Variants in ZNF317 observed in about 807,000 individuals in gnomAD.
The protein encoded by ZNF317 is zinc finger protein 317.
ZNF317 carries 17 observed loss-of-function variants against 23.4 expected under a neutral mutation model. The observed-to-expected ratio is 0.73, with a 90% CI of 0.50 to 1.09. The LOEUF (loss-of-function observed/expected upper bound fraction) is 1.09, where lower values mean the gene tolerates loss of function less well. ZNF317 is among the 50% of genes least tolerant of loss of function. The pLI, the probability that ZNF317 is intolerant of heterozygous loss-of-function variation, is 0.00. For missense variants in ZNF317, 679 were observed against 796.7 expected, an observed-to-expected ratio of 0.85 and a Z score of 1.78; for synonymous variants, 317 against 314.9, an observed-to-expected ratio of 1.01 and a Z score of -0.07.
In ZNF317 at chr19:9,160,149, C is replaced by G. The variant is rs1408927795; in HGVS notation, c.504C>G (p.Tyr168Ter). The G allele has an allele frequency of 6.2e-7, 1 of 1,614,038 alleles. No homozygotes were observed. The highest frequency in any genetic ancestry group is 8.5e-7 in the Non-Finnish European group (1 of 1,180,040). The change falls in exon 7 of 7, where the codon TAC (tyrosine) becomes TAG (stop). Residue 168 changes from tyrosine to a stop codon, truncating the protein, a stop_gained. Transcript: ENST00000247956. LOFTEE classifies it low-confidence loss of function (END_TRUNC). This position sits in a 1 kb window ranked among gnomAD's most constrained non-coding sequence, Gnocchi z 6.8. ...GTCTTGGAGAGAAGTCCACTGAATA[C>G]GCTCACTTGTTCGAAGTCTTTGGCA... ...RAGLGEKSTE[Y>*]AHLFEVFGMD...
At chr19:9,153,120 C>T (rs1192478811) in intron 1 of ZNF317, among the ~76,000 whole-genome samples, 2 of 151,706 alleles carry the variant, frequency 1.3e-5, no homozygotes, top group African/African-American at 2.4e-5. Context: ...TTTTGCTTTC[C>T]CTAGGTTTAG....
rs372973359 is a variant in ZNF317 at position 9,156,748 on chromosome 19, G to C, written c.162G>C (p.Gln54His). Reference protein sequence around the residue: ...LEPHTPSVGSQESVTFQDVAV... With the variant: ...LEPHTPSVGSHESVTFQDVAV... ...CTCACACACCCAGTGTTGGTTCCCA[G>C]GTGCACTAAGATCTCTGGGTCCCTA... is the stretch of plus-strand genomic sequence containing the variant. The change falls in exon 3 of 7, where the codon CAG becomes CAC. Residue 54 changes from glutamine to histidine, a missense_variant and splice_region_variant. Transcript: ENST00000247956. 3.7e-6 allele frequency: 6 copies of C among 1,613,446 alleles called. No individual in the cohort carries two copies. The highest frequency in any genetic ancestry group is 2.7e-5 in the African/African-American group (2 of 74,882).
At position 9,160,186 on chromosome 19, in the gene ZNF317, C is replaced by G; in HGVS notation, c.541C>G (p.Leu181Val). 4 of 1,614,186 alleles carry G rather than the reference C, an allele frequency of 2.5e-6. No homozygotes were observed. Among genetic ancestry groups the G allele is most frequent in the Non-Finnish European group, 3.4e-6 (4 of 1,180,036 alleles). ...LFEVFGMDPHLTQPMGRHAGK... is the reference protein window; with the variant it reads ...LFEVFGMDPHVTQPMGRHAGK... ...CGAAGTCTTTGGCATGGACCCTCATCTCACTCAGCCAATGGGAAGGCACGC... is the reference window on the plus strand; with the variant it reads ...CGAAGTCTTTGGCATGGACCCTCATGTCACTCAGCCAATGGGAAGGCACGC... The change falls in exon 7 of 7, where the codon CTC becomes GTC. Residue 181 changes from leucine to valine, a missense_variant. By Grantham distance (32) the Leu-to-Val change is conservative (BLOSUM62 1). Coordinates refer to ENST00000247956, the MANE Select transcript of ZNF317 (RefSeq NM_020933.5). The surrounding 1 kb of genome is among the most constrained non-coding windows in gnomAD (Gnocchi z 6.8).
intron 6 of ZNF317, 120 bp from the exon 7 acceptor site, chr19:9,159,994 T>G (rs2145960914): frequency 6.9e-7 from 1 of 1,446,854 alleles, no homozygotes; most frequent in Admixed American, 1.9e-5. Context: ...GGCAGATGGT[T>G]ACAGCTCTAG....
chr19:9,141,875 G>A (rs940409482), intron 1 of ZNF317, among the ~76,000 whole-genome samples: 17 of 151,972 alleles, frequency 1.1e-4, no homozygotes, highest in Admixed American at 9.8e-4. Flanking sequence ...TGACAATCTC[G>A]GCTCACTGCA....
chr19:9,161,062 C>T lies in ZNF317; in HGVS notation c.1417C>T (p.Arg473Cys), dbSNP rs1219049768. 5.0e-6 allele frequency: 8 copies of T among 1,614,172 alleles called. No individual in the cohort carries two copies. The highest frequency in any genetic ancestry group is 2.2e-5 in the South Asian group (2 of 91,080). Residue 473 changes from arginine (R) to cysteine (C), a missense_variant, in exon 7 of 7, where the codon CGC (arginine) becomes TGC (cysteine). Transcript: ENST00000247956. The surrounding 1 kb of genome is among the most constrained non-coding windows in gnomAD (Gnocchi z 4.0). ...AHRKIHTQER[R>C]YECAACGKVF... is the part of the protein sequence containing the mutation. Reference sequence around the variant, plus strand: ...CAGGAAGATACACACGCAAGAGAGACGCTACGAATGCGCCGCCTGCGGGAA... The same window carrying T: ...CAGGAAGATACACACGCAAGAGAGATGCTACGAATGCGCCGCCTGCGGGAA...
rs1007472305 is a variant in ZNF317 at position 9,161,735 on chromosome 19, C to T, written c.*302C>T. The T allele has an allele frequency of 3.9e-5, 13 of 332,166 alleles. No homozygotes were observed. Among genetic ancestry groups the T allele is most frequent in the Non-Finnish European group, 6.7e-5 (12 of 180,282 alleles). The allele number at this position is 332,166 out of a possible 1,614,324, so 20.6% of individuals were successfully genotyped here. A position where few individuals can be genotyped will look rare whatever the true frequency, so the allele number is the denominator to read the frequency against. ...TTGGCATTTAATGTCAAAATCCAAG[C>T]CGTGGCATTTAATGTCAAAATGACT... is the stretch of plus-strand genomic sequence containing the variant. On this transcript the variant is annotated 3_prime_UTR_variant, in exon 7 of 7. Coordinates refer to ENST00000247956, the MANE Select transcript of ZNF317 (RefSeq NM_020933.5). This position sits in a 1 kb window ranked among gnomAD's most constrained non-coding sequence, Gnocchi z 4.0.
At chr19:9,147,998 A>G (rs1031876600) in intron 1 of ZNF317, among the ~76,000 whole-genome samples, 9 of 151,982 alleles carry the variant, frequency 5.9e-5, no homozygotes, top group African/African-American at 1.7e-4. Flanking sequence ...AGATCCGGTC[A>G]TTTACACGTG....
In ZNF317 at chr19:9,160,938, C is replaced by G; in HGVS notation, c.1293C>G (p.Ser431=). Residue 431 remains serine (S), a synonymous_variant, in exon 7 of 7, where the codon TCC becomes TCG. Coordinates refer to ENST00000247956, the MANE Select transcript of ZNF317 (RefSeq NM_020933.5). This position sits in a 1 kb window ranked among gnomAD's most constrained non-coding sequence, Gnocchi z 6.8. ...RQCGKTFRNQ[S]ILKTHMNSHT... ...GCGGGAAGACCTTCCGAAACCAGTCCATCCTTAAGACTCACATGAACTCTC... is the reference window on the plus strand; with the variant it reads ...GCGGGAAGACCTTCCGAAACCAGTCGATCCTTAAGACTCACATGAACTCTC... 6.2e-7 allele frequency: 1 copy of G among 1,614,168 alleles called. No individual in the cohort carries two copies. The highest frequency in any genetic ancestry group is 8.5e-7 in the Non-Finnish European group (1 of 1,180,030).
chr19:9,155,082 C>A (rs2050770754), intron 1 of ZNF317, among the ~76,000 whole-genome samples: 3 of 151,994 alleles, frequency 2.0e-5, no homozygotes, highest in African/African-American at 7.2e-5. Context: ...TCCAATAAGC[C>A]TTTTGCACTC....
intron 1 of ZNF317, among the ~76,000 whole-genome samples, chr19:9,148,282 AG>A (rs1169726969): frequency 6.6e-6 from 1 of 152,268 alleles, no homozygotes; most frequent in Non-Finnish European, 1.5e-5. Flanking sequence ...AGAATCACTC[AG>A]GTGAGAACTT....
At chr19:9,158,739 G>T (rs1481588082) in intron 5 of ZNF317, 87 bp from the exon 6 acceptor site, 2 of 888,854 alleles carry the variant, frequency 2.3e-6, no homozygotes, top group East Asian at 2.4e-5. Context: ...ATAGCCTTAG[G>T]ATCTGCCAAG....
At chr19:9,149,900 G>A (rs1157174885) in intron 1 of ZNF317, among the ~76,000 whole-genome samples, 1 of 152,242 alleles carries the variant, frequency 6.6e-6, no homozygotes, top group Non-Finnish European at 1.5e-5. Context: ...GATGCCTTAT[G>A]CCAAGGCAGT....
intron 1 of ZNF317, among the ~76,000 whole-genome samples, chr19:9,148,568 T>TGGCGTCCC (rs74534761): frequency 6.6e-6 from 1 of 151,516 alleles, no homozygotes; most frequent in Non-Finnish European, 1.5e-5. Flanking sequence ...TCTCCCAAGG[T>TGGCGTCCC]CTGGGTGGCT....
intron 1 of ZNF317, among the ~76,000 whole-genome samples, chr19:9,155,272 G>C (rs149947825): frequency 1.1e-4 from 16 of 152,188 alleles, no homozygotes; most frequent in Admixed American, 3.3e-4. Context: ...GCTCACTGCA[G>C]CTGTTCTCTA....
chr19:9,145,372 C>T (rs1397361857), intron 1 of ZNF317, among the ~76,000 whole-genome samples: 2 of 152,198 alleles, frequency 1.3e-5, no homozygotes, highest in African/African-American at 4.8e-5. Context: ...ATCCACCTGC[C>T]TTGGCCTCCC....
At chr19:9,155,006 T>C (rs191449809) in intron 1 of ZNF317, among the ~76,000 whole-genome samples, 1 of 152,310 alleles carries the variant, frequency 6.6e-6, no homozygotes, top group African/African-American at 2.4e-5. Context: ...ATTAAAGTCT[T>C]TTACCCTTTT....
At position 9,158,901 on chromosome 19, in the gene ZNF317, T is replaced by C; in HGVS notation, c.461T>C (p.Val154Ala). Residue 154 changes from valine (V) to alanine (A), a missense_variant, in exon 6 of 7, where the codon GTG becomes GCG. Coordinates refer to ENST00000247956, the MANE Select transcript of ZNF317 (RefSeq NM_020933.5). Reference sequence around the variant, plus strand: ...TTTGGGAAGGAAACGCCCAGTGGTGTGACGATGGTAAGATTTCCGTGGGAT... The same window carrying C: ...TTTGGGAAGGAAACGCCCAGTGGTGCGACGATGGTAAGATTTCCGTGGGAT... ...DIFGKETPSG[V>A]TMERAGLGEK... The C allele has an allele frequency of 6.2e-7, 1 of 1,609,232 alleles. No individual in the cohort carries two copies. Among genetic ancestry groups the C allele is most frequent in the Non-Finnish European group, 8.5e-7 (1 of 1,175,608 alleles).
chr19:9,144,011 C>G (rs1006503521), intron 1 of ZNF317, among the ~76,000 whole-genome samples: 3 of 76,012 alleles, frequency 3.9e-5, no homozygotes, highest in African/African-American at 1.8e-4. Flanking sequence ...TTCTTTCTTT[C>G]TTTTTTTTGA....
Sources: gnomAD v4.1 joint callset for allele counts (sites outside exome capture counted in the v4.1 genomes callset) on GRCh38, gnomAD v4.1.1 for gene constraint, Gnocchi (gnomAD v3.1) non-coding constraint, MANE v1.5 for transcripts, NCBI Gene and HGNC (gene_info 2026-07-23, HGNC 2026-07-21) for gene names.